DNAH12: variants seen among roughly 807,000 people sequenced by gnomAD.
The protein encoded by DNAH12 is axonemal beta dynein heavy chain 12.
A neutral mutation model predicts 371.5 loss-of-function variants in DNAH12; 285 were observed. The observed-to-expected ratio is 0.77, with a 90% CI of 0.70 to 0.85. The LOEUF (loss-of-function observed/expected upper bound fraction) is 0.85. DNAH12 is among the 40% of genes least tolerant of loss of function. The pLI is 0.00. For synonymous variants in DNAH12, 1,200 were observed against 1,213.0 expected (o/e 0.99, Z 0.22); for missense variants, 3,611 against 3,689.4 (o/e 0.98, Z 0.55).
At chr3:57,493,900 T>A (rs1191367716) in intron 11 of DNAH12, 6 of 151,724 alleles carry the variant, frequency 4.0e-5, no homozygotes, top group African/African-American at 1.5e-4. Context: ...AACCTACAAC[T>A]AATATTATAC....
the DNAH12 span, among the ~76,000 whole-genome samples, chr3:57,553,077 G>A: frequency 6.6e-6 from 1 of 152,076 alleles, no homozygotes; most frequent in Non-Finnish European, 1.5e-5. Flanking sequence ...TCAGGAGGCT[G>A]AGGCAGGAGA....
chr3:57,332,454 G>T (rs971989432), intron 62 of DNAH12, among the ~76,000 whole-genome samples: 1 of 152,092 alleles, frequency 6.6e-6, no homozygotes, highest in Non-Finnish European at 1.5e-5. Flanking sequence ...TTTTGCACAG[G>T]GGGCAATAGG....
At chr3:57,335,914 G>T (rs185845020) in intron 60 of DNAH12, among the ~76,000 whole-genome samples, 1 of 152,302 alleles carries the variant, frequency 6.6e-6, no homozygotes, top group Non-Finnish European at 1.5e-5. Context: ...TCTCCTTAGT[G>T]GTGAAGCTAA....
chr3:57,398,044 T>A (rs2153349899), intron 43 of DNAH12, among the ~76,000 whole-genome samples: 1 of 152,244 alleles, frequency 6.6e-6, no homozygotes, highest in East Asian at 1.9e-4. Context: ...AACCCAGAGC[T>A]AAATCAGGAA....
intron 35 of DNAH12, among the ~76,000 whole-genome samples, chr3:57,422,230 AATT>A (rs1248190055): frequency 1.2e-4 from 17 of 143,464 alleles, no homozygotes; most frequent in African/African-American, 4.5e-4. Flanking sequence ...TATCAAAAAA[AATT>A]TTTTTTTCTT....
At position 57,446,158 on chromosome 3, in the gene DNAH12, G is replaced by A. The variant is rs1309464881; in HGVS notation, c.4052C>T (p.Ala1351Val). The change falls in exon 27 of 74, where the codon GCT becomes GTT. Residue 1351 changes from alanine to valine, a missense_variant. Physicochemically the swap from Ala to Val is moderately conservative, Grantham distance 64. Transcript: ENST00000495027. ...AAACACAACCAACTTCTGTTGAATA[G>A]CTCTCTGAATGCAAAGGATCTGTTG... ...VAQQILCIQR[A>V]IQQKLVVFVF... The A allele has an allele frequency of 8.4e-6, 13 of 1,551,674 alleles. No homozygotes were observed. Among genetic ancestry groups the A allele is most frequent in the Non-Finnish European group, 6.1e-6 (7 of 1,147,000 alleles).
At chr3:57,461,286 A>G (rs1037046098) in intron 19 of DNAH12, among the ~76,000 whole-genome samples, 1 of 152,142 alleles carries the variant, frequency 6.6e-6, no homozygotes. Flanking sequence ...AAAATCATTT[A>G]TGTCTCAGAT....
intron 43 of DNAH12, 89 bp from the exon 44 acceptor site, chr3:57,394,421 A>C (rs2063695270): frequency 6.6e-6 from 1 of 152,180 alleles, no homozygotes; most frequent in African/African-American, 2.4e-5. Context: ...TGATAACAAC[A>C]CTTTGATTTT....
chr3:57,520,262 C>T (rs2068369393), intron 4 of DNAH12, among the ~76,000 whole-genome samples: 1 of 151,866 alleles, frequency 6.6e-6, no homozygotes, highest in Admixed American at 6.6e-5. Context: ...CAGGTGTGTG[C>T]CACCACACTC....
At chr3:57,459,443 C>A in intron 20 of DNAH12, 149 bp downstream of exon 20, 1 of 741,634 alleles carries the variant, frequency 1.3e-6, no homozygotes, top group South Asian at 4.2e-5. Flanking sequence ...TATTTTAATA[C>A]TTTTATGCTT....
intron 11 of DNAH12, among the ~76,000 whole-genome samples, chr3:57,499,673 T>TATATATATATATATATACACACACAC (rs771112538): frequency 1.3e-4 from 6 of 44,454 alleles, no homozygotes; most frequent in African/African-American, 2.7e-4. Context: ...TATATATATA[T>TATATATATATATATATACACACACAC]ATACTTCTTA....
At chr3:57,395,263 T>C (rs994335913) in intron 43 of DNAH12, among the ~76,000 whole-genome samples, 454 of 152,164 alleles carry the variant, frequency 3.0e-3, no homozygotes, top group African/African-American at 0.01. Flanking sequence ...ATCATGGAAA[T>C]TGGAAAATCT....
At chr3:57,492,951 G>A (rs548492482) in intron 11 of DNAH12, among the ~76,000 whole-genome samples, 181 of 152,268 alleles carry the variant, frequency 1.2e-3, no homozygotes, top group African/African-American at 3.9e-3. Context: ...CTTGCAGTGA[G>A]TAGGGATGGC....
At chr3:57,445,483 A>G in intron 27 of DNAH12, 64 bp from the exon 28 acceptor site, 1 of 1,341,052 alleles carries the variant, frequency 7.5e-7, no homozygotes, top group Non-Finnish European at 9.7e-7. Flanking sequence ...AGCTGAGCAT[A>G]AGTATTCAAA....
At chr3:57,389,146 C>T (rs1164582359) in intron 45 of DNAH12, among the ~76,000 whole-genome samples, 3 of 151,626 alleles carry the variant, frequency 2.0e-5, no homozygotes, top group Admixed American at 2.0e-4. Flanking sequence ...TGTTTGTCAC[C>T]AGTTCATGTA....
At position 57,444,811 on chromosome 3, in the gene DNAH12, A is replaced by G; in HGVS notation, c.4431T>C (p.Leu1477=). ...GTTCATTTACATCTTTAATTGATCG[A>G]AGAAGCTAAAATTACCCAAAAAGTA... ...YPNENEDILL[L]RSIKDVNEPK... is the part of the protein sequence containing the mutation. Residue 1477 remains leucine, a synonymous_variant, in exon 29 of 74, where the codon CTT becomes CTC. Coordinates refer to ENST00000495027, the MANE Select transcript of DNAH12 (RefSeq NM_001366028.2). 1 of 1,541,326 alleles carries G rather than the reference A, an allele frequency of 6.5e-7. No homozygotes were observed. Among genetic ancestry groups the G allele is most frequent in the East Asian group, 2.5e-5 (1 of 40,620 alleles).
chr3:57,293,770 A>G lies in DNAH12; in HGVS notation c.*11T>C, dbSNP rs2061170281. The G allele has an allele frequency of 1.3e-6, 2 of 1,544,218 alleles. No individual in the cohort carries two copies. The highest frequency in any genetic ancestry group is 1.7e-6 in the Non-Finnish European group (2 of 1,144,760). ...TTTTAAACTTTTGGATGTTTTATAA[A>G]TTTGTCCAATTTAGTCATCCAACTG... On this transcript the variant is annotated 3_prime_UTR_variant, in exon 74 of 74. Coordinates refer to ENST00000495027, the MANE Select transcript of DNAH12 (RefSeq NM_001366028.2).
intron 4 of DNAH12, among the ~76,000 whole-genome samples, chr3:57,515,109 A>G (rs2068144257): frequency 6.6e-6 from 1 of 152,184 alleles, no homozygotes; most frequent in South Asian, 2.1e-4. Context: ...AGGAGGTATC[A>G]GTATGAATCC....
intron 43 of DNAH12, among the ~76,000 whole-genome samples, chr3:57,397,705 C>A (rs1017769487): frequency 6.6e-6 from 1 of 152,192 alleles, no homozygotes; most frequent in South Asian, 2.1e-4. Flanking sequence ...GTCAAAAGCA[C>A]TCATACATGC....
Sources: allele counts gnomAD v4.1 joint callset (sites outside exome capture counted in the v4.1 genomes callset), GRCh38; gene constraint gnomAD v4.1.1; transcripts MANE v1.5; gene names NCBI Gene and HGNC (gene_info 2026-07-23, HGNC 2026-07-21).